TENM3: variants seen among roughly 807,000 people sequenced by gnomAD.
TENM3 encodes the protein teneurin-3.
In TENM3, 63 loss-of-function variants were observed where a neutral mutation model predicts 255.1. The ratio of observed to expected loss-of-function variants is 0.25; its 90% CI spans 0.20 to 0.30. TENM3 has a LOEUF of 0.30. Among genes scored for constraint, TENM3 ranks in the 10% least tolerant of loss-of-function variants. The pLI is 1.00. For missense variants in TENM3, 2,929 were observed against 3,461.1 expected, an observed-to-expected ratio of 0.85 and a Z score of 3.86; for synonymous variants, 1,306 against 1,322.3, an observed-to-expected ratio of 0.99 and a Z score of 0.27.
intron 3 of TENM3, among the ~76,000 whole-genome samples, chr4:182,440,859 T>C (rs926262013): frequency 2.0e-5 from 3 of 151,836 alleles, no homozygotes; most frequent in Non-Finnish European, 4.4e-5. Context: ...GGTTTGGGGA[T>C]ACATGTGAAG....
Position 182,659,382 on chromosome 4 carries a change from C to T in TENM3, c.1111+5489C>T, listed in dbSNP as rs75622049. 1.8e-4 allele frequency among the ~76,000 whole-genome samples: 27 copies of T among 152,168 alleles called. 1 individual carries two copies. Among genetic ancestry groups the T allele is most frequent in the Middle Eastern group, 3.4e-3 (1 of 294 alleles). On this transcript the variant is annotated intron_variant, in intron 6 of 27. Transcript: ENST00000511685. Reference sequence around the variant, plus strand: ...ATTGCAGTATATTGTTATAATTGTTCTATTAGTATCTTTTTCTTGCCTAAT... The same window carrying T: ...ATTGCAGTATATTGTTATAATTGTTTTATTAGTATCTTTTTCTTGCCTAAT...
At chr4:182,543,152 GGGATGCATGGAT>G (rs1005576489) in intron 3 of TENM3, among the ~76,000 whole-genome samples, 27 of 152,168 alleles carry the variant, frequency 1.8e-4, no homozygotes, top group South Asian at 8.3e-4. Context: ...CAAGGATGGA[GGGATGCATGGAT>G]GGATGCATGG....
the TENM3 span, among the ~76,000 whole-genome samples, chr4:182,015,870 C>T: frequency 2.2e-4 from 33 of 152,202 alleles, no homozygotes; most frequent in African/African-American, 6.7e-4. Context: ...TTAAGATGAC[C>T]CTCCTCATCG....
Position 182,738,473 on chromosome 4 carries a change from G to T in TENM3, c.3308G>T (p.Gly1103Val). ...LWEKRTAILQ[G>V]YELDASNMGG... The stretch of plus-strand genomic sequence containing the variant: ...GAAAAGAGGACTGCCATTCTGCAGG[G>T]CTATGAATTGGATGCGTCCAACATG... The change falls in exon 18 of 28, where the codon GGC (glycine) becomes GTC (valine). Residue 1103 changes from glycine (G) to valine (V), a missense_variant. Physicochemically the swap from Gly to Val is moderately radical, Grantham distance 109. Around this residue, in one of 6 missense-constraint regions of TENM3, gnomAD observed 1,608 missense variants for 1,884.4 expected, o/e 0.85. Coordinates refer to ENST00000511685, the MANE Select transcript of TENM3 (RefSeq NM_001080477.4). The T allele has an allele frequency of 6.2e-7, 1 of 1,613,430 alleles. No individual in the cohort carries two copies. The highest frequency in any genetic ancestry group is 8.5e-7 in the Non-Finnish European group (1 of 1,179,616).
At chr4:181,916,138 C>T in the TENM3 span, among the ~76,000 whole-genome samples, 1 of 146,288 alleles carries the variant, frequency 6.8e-6, no homozygotes, top group Non-Finnish European at 1.5e-5. Flanking sequence ...AAGACTCTCT[C>T]CCCTTCTTCC....
At chr4:182,530,770 G>A (rs973112683) in intron 3 of TENM3, among the ~76,000 whole-genome samples, 2 of 152,160 alleles carry the variant, frequency 1.3e-5, no homozygotes, top group South Asian at 4.1e-4. Context: ...CTTGTTTATG[G>A]ATTCCCTGTG....
chr4:182,650,104 T>C (rs1238569755), intron 5 of TENM3, among the ~76,000 whole-genome samples: 1 of 150,626 alleles, frequency 6.6e-6, no homozygotes, highest in Admixed American at 6.6e-5. Context: ...AGATTAGAGA[T>C]AATACCAATG....
At chr4:181,989,088 G>A in the TENM3 span, among the ~76,000 whole-genome samples, 998 of 152,034 alleles carry the variant, frequency 6.6e-3, 11 homozygotes, top group African/African-American at 0.023. Flanking sequence ...TATTTATTGC[G>A]GACCAGTGGT....
At chr4:182,530,794 A>C (rs1313993240) in intron 3 of TENM3, among the ~76,000 whole-genome samples, 1 of 152,198 alleles carries the variant, frequency 6.6e-6, no homozygotes, top group East Asian at 1.9e-4. Context: ...GTTGAGAAAA[A>C]GGAAAGAGCT....
chr4:182,239,327 C>T (rs928140009), upstream of TENM3, among the ~76,000 whole-genome samples: 2 of 152,044 alleles, frequency 1.3e-5, no homozygotes, highest in Non-Finnish European at 2.9e-5. Context: ...ATCTGCCTGC[C>T]TCACCCTCCC....
At chr4:182,762,413 T>G (rs1347665531) in intron 22 of TENM3, among the ~76,000 whole-genome samples, 1 of 150,856 alleles carries the variant, frequency 6.6e-6, no homozygotes, top group East Asian at 1.9e-4. Flanking sequence ...ACCCTAACAC[T>G]AAGCTGTGTA....
chr4:182,511,699 G>A (rs1245032889), intron 3 of TENM3, among the ~76,000 whole-genome samples: 1 of 152,028 alleles, frequency 6.6e-6, no homozygotes, highest in African/African-American at 2.4e-5. Flanking sequence ...ATTTGTAAAT[G>A]TGAAGAAAAA....
At position 182,159,447 on chromosome 4, in the gene TENM3, AGTGTGTGTGTGTGTGT is replaced by A. The variant is rs67981646; in HGVS notation, c.-76+14716_-76+14731del. Reference sequence around the variant, plus strand: ...CAGTGAGCAATGGATAGTGTGTATGAGTGTGTGTGTGTGTGTGTGTGTGTGTGTGTGTGTGTGTATC... The same window carrying A: ...CAGTGAGCAATGGATAGTGTGTATGAGTGTGTGTGTGTGTGTGTGTGTATC... On this transcript the variant is annotated intron_variant, in intron 1 of 2. Transcript: ENST00000512480. Among the ~76,000 whole-genome samples the A allele has an allele frequency of 5.1e-3, 670 of 130,646 alleles. 4 individuals are homozygous for A. Among genetic ancestry groups the A allele is most frequent in the East Asian group, 0.039 (184 of 4,674 alleles). The allele number at this position is 130,646 out of a possible 152,430, so 85.7% of individuals were successfully genotyped here. A position where few individuals can be genotyped will look rare whatever the true frequency, so the allele number is the denominator to read the frequency against.
chr4:181,626,653 AG>A, the TENM3 span, among the ~76,000 whole-genome samples: 1 of 152,222 alleles, frequency 6.6e-6, no homozygotes, highest in East Asian at 1.9e-4. Flanking sequence ...ATGGGAATGG[AG>A]CTCAGCCATT....
intron 1 of TENM3, among the ~76,000 whole-genome samples, chr4:182,267,162 C>T (rs1579957823): frequency 6.6e-6 from 1 of 152,072 alleles, no homozygotes; most frequent in African/African-American, 2.4e-5. Context: ...TGTTGCTAAT[C>T]CTTTGTTTTT....
chr4:182,445,611 A>ATT (rs35421030), intron 3 of TENM3, among the ~76,000 whole-genome samples: 11 of 146,882 alleles, frequency 7.5e-5, no homozygotes, highest in Admixed American at 4.7e-4. Context: ...TGGACTTTTT[A>ATT]TTTTTTTTTT....
intron 1 of TENM3, among the ~76,000 whole-genome samples, chr4:182,146,893 G>T (rs747801871): frequency 6.6e-6 from 1 of 152,100 alleles, no homozygotes; most frequent in Non-Finnish European, 1.5e-5. Context: ...TTATTTTCTA[G>T]AAAGATGTTT....
chr4:182,061,762 C>T, the TENM3 span, among the ~76,000 whole-genome samples: 1 of 151,916 alleles, frequency 6.6e-6, no homozygotes, highest in Non-Finnish European at 1.5e-5. Flanking sequence ...AGTTGGAGGC[C>T]AGCCTGGGCA....
intron 12 of TENM3, among the ~76,000 whole-genome samples, chr4:182,695,363 A>G (rs1757320184): frequency 6.6e-6 from 1 of 152,218 alleles, no homozygotes; most frequent in East Asian, 1.9e-4. Flanking sequence ...TCGTATGTTA[A>G]TATAAAACTT....
Sources: gnomAD v4.1 joint callset for allele counts (sites outside exome capture counted in the v4.1 genomes callset) on GRCh38, gnomAD v4.1.1 for gene constraint, gnomAD v4.1.1 regional missense constraint, MANE v1.5 for transcripts, NCBI Gene and HGNC (gene_info 2026-07-23, HGNC 2026-07-21) for gene names.